The following SLC35F4 variants were observed in gnomAD, a reference collection of about 807,000 sequenced individuals.
SLC35F4 encodes the protein solute carrier family 35 member F4, also known as chromosome 14 open reading frame 36.
Under a neutral mutation model 44.2 loss-of-function variants are expected in SLC35F4, and 24 were observed. The ratio of observed to expected loss-of-function variants is 0.54; its 90% CI spans 0.39 to 0.76. SLC35F4 has a LOEUF of 0.76. Among genes scored for constraint, SLC35F4 ranks in the 30% least tolerant of loss-of-function variants. The probability of loss-of-function intolerance (pLI) is 0.00; values close to 1 mark genes in which losing one functional copy is unlikely to be tolerated. For synonymous variants in SLC35F4, 238 were observed against 223.6 expected (o/e 1.06, Z -0.57); for missense variants, 562 against 586.1 (o/e 0.96, Z 0.42).
At position 57,604,219 on chromosome 14, in the gene SLC35F4, T is replaced by G. The variant is rs376468688; in HGVS notation, c.104-10095A>C. ...GATAACGCCAACAGCAAGTGGAGAT[T>G]CATTTCTATACAGTGAAAAGGCTAG... is the stretch of plus-strand genomic sequence containing the variant. On this transcript the variant is annotated intron_variant, in intron 1 of 7. Coordinates refer to ENST00000556826, the MANE Select transcript of SLC35F4 (RefSeq NM_001306087.2). The G allele has an allele frequency of 2.0e-5, 3 of 152,244 alleles. No homozygotes were observed. In the East Asian group the frequency reaches 5.8e-4, roughly 29 times the overall value. 9.4% of individuals were successfully genotyped at this position (152,244 alleles called of 1,614,324 possible).
intron 1 of SLC35F4, among the ~76,000 whole-genome samples, chr14:57,765,106 C>G (rs181153987): frequency 7.3e-6 from 1 of 137,262 alleles, no homozygotes; most frequent in Non-Finnish European, 1.5e-5. Context: ...TCTGGTGGAA[C>G]TATGATTATA....
chr14:57,874,970 G>GAATAAATAAATA (rs148708016), intron 1 of SLC35F4, among the ~76,000 whole-genome samples: 21,424 of 149,668 alleles, frequency 0.14, 3,302 homozygotes, highest in African/African-American at 0.39. Flanking sequence ...AGAGGCAGTG[G>GAATAAATAAATA]AATAAATAAA....
At chr14:57,596,972 G>C (rs945535261) in intron 1 of SLC35F4, 4 of 1,020,472 alleles carry the variant, frequency 3.9e-6, no homozygotes, top group Non-Finnish European at 5.3e-6. Flanking sequence ...CGTATTCAGG[G>C]GTTGGGCCAT....
chr14:57,650,360 C>G (rs2073733809), intron 1 of SLC35F4, among the ~76,000 whole-genome samples: 1 of 152,058 alleles, frequency 6.6e-6, no homozygotes, highest in Non-Finnish European at 1.5e-5. Context: ...ATTTTCCTCC[C>G]TCCCAAATAT....
chr14:57,593,964 G>T lies in SLC35F4; in HGVS notation c.264C>A (p.His88Gln), dbSNP rs1271954660. ...QNQGSSGVCG[H>Q]RVERQNRSAD... ...CTGATCTGTTCTGTCTCTCAACTCT[G>T]TGTCCACAAACTCCTGAGGATCCTT... Residue 88 changes from histidine (H) to glutamine (Q), a missense_variant, in exon 2 of 8, where the codon CAC becomes CAA. Coordinates refer to ENST00000556826, the MANE Select transcript of SLC35F4 (RefSeq NM_001306087.2). 1 of 1,613,890 alleles carries T rather than the reference G, an allele frequency of 6.2e-7. No homozygotes were observed. The highest frequency in any genetic ancestry group is 1.1e-5 in the South Asian group (1 of 91,084).
chr14:57,765,070 T>C (rs1723239473), intron 1 of SLC35F4, among the ~76,000 whole-genome samples: 1 of 152,220 alleles, frequency 6.6e-6, no homozygotes, highest in African/African-American at 2.4e-5. Flanking sequence ...TAACAGACTA[T>C]GTCCCCGAAC....
chr14:57,649,675 G>A (rs1190019449), intron 1 of SLC35F4, among the ~76,000 whole-genome samples: 1 of 152,080 alleles, frequency 6.6e-6, no homozygotes, highest in Non-Finnish European at 1.5e-5. Context: ...TATGGAAATG[G>A]GCCATATCTA....
chr14:57,935,965 G>C (rs750064731), intron 1 of SLC35F4, among the ~76,000 whole-genome samples: 4 of 152,138 alleles, frequency 2.6e-5, no homozygotes, highest in Non-Finnish European at 5.9e-5. Flanking sequence ...ATAGACATTG[G>C]GAACTATGAC....
chr14:57,728,450 T>G (rs1416981135), intron 1 of SLC35F4, among the ~76,000 whole-genome samples: 1 of 127,934 alleles, frequency 7.8e-6, no homozygotes, highest in East Asian at 2.2e-4. Context: ...TCTTTTTTTT[T>G]TTTTTTTTTT....
intron 1 of SLC35F4, among the ~76,000 whole-genome samples, chr14:57,744,970 T>C (rs2076717030): frequency 6.9e-6 from 1 of 145,554 alleles, no homozygotes; most frequent in African/African-American, 2.4e-5. Flanking sequence ...TTGACAAACC[T>C]GGCAAAAACA....
chr14:57,726,561 T>C (rs566220233), intron 1 of SLC35F4, among the ~76,000 whole-genome samples: 1 of 152,366 alleles, frequency 6.6e-6, no homozygotes, highest in African/African-American at 2.4e-5. Flanking sequence ...CATTTAAGTA[T>C]TGTTAACTTT....
intron 4 of SLC35F4, among the ~76,000 whole-genome samples, chr14:57,574,994 T>C (rs1043043680): frequency 1.3e-5 from 2 of 152,178 alleles, no homozygotes; most frequent in Non-Finnish European, 2.9e-5. Flanking sequence ...GTGTCAAAAA[T>C]GCTCATATGT....
intron 1 of SLC35F4, among the ~76,000 whole-genome samples, chr14:57,805,045 G>A (rs1386440862): frequency 6.6e-6 from 1 of 152,124 alleles, no homozygotes; most frequent in Non-Finnish European, 1.5e-5. Flanking sequence ...GATCATTAGA[G>A]AAATGAAAAT....
chr14:57,581,392 T>A lies in SLC35F4; in HGVS notation c.629A>T (p.Lys210Ile), dbSNP rs759960780. 2 of 1,612,684 alleles carry A rather than the reference T, an allele frequency of 1.2e-6. No homozygotes were observed. Among genetic ancestry groups the A allele is most frequent in the Non-Finnish European group, 1.7e-6 (2 of 1,179,376 alleles). ...RIFGEDGLTL[K>I]LFLKRTAPFS... is the part of the protein sequence containing the mutation. ...GGGAGCAGTTCTTTTAAGAAAGAGT[T>A]TCAGCGTCAGACCATCTTCACCAAA... Residue 210 changes from lysine to isoleucine, a missense_variant, in exon 4 of 8, where the codon AAA becomes ATA. Coordinates refer to ENST00000556826, the MANE Select transcript of SLC35F4 (RefSeq NM_001306087.2).
chr14:57,712,152 A>G (rs534262492), intron 1 of SLC35F4, among the ~76,000 whole-genome samples: 1 of 152,360 alleles, frequency 6.6e-6, no homozygotes, highest in Non-Finnish European at 1.5e-5. Flanking sequence ...AATAAGGTAT[A>G]TTAGCCAGGG....
At chr14:57,919,704 T>A (rs808232) in intron 1 of SLC35F4, among the ~76,000 whole-genome samples, 1 of 151,932 alleles carries the variant, frequency 6.6e-6, no homozygotes, top group South Asian at 2.1e-4. Flanking sequence ...CACCAAGCCA[T>A]GAAATAACAG....
intron 1 of SLC35F4, among the ~76,000 whole-genome samples, chr14:57,595,214 A>C (rs1452258356): frequency 6.6e-6 from 1 of 152,208 alleles, no homozygotes; most frequent in Non-Finnish European, 1.5e-5. Context: ...GAGCTGTTGA[A>C]GTACTTCGTA....
intron 1 of SLC35F4, among the ~76,000 whole-genome samples, chr14:57,699,673 A>G (rs551309302): frequency 6.6e-6 from 1 of 152,256 alleles, no homozygotes; most frequent in Non-Finnish European, 1.5e-5. Context: ...ACAAAAAGGC[A>G]CCCCTCTTTT....
intron 1 of SLC35F4, among the ~76,000 whole-genome samples, chr14:57,934,218 G>A (rs1889754250): frequency 6.6e-6 from 1 of 151,572 alleles, no homozygotes; most frequent in Non-Finnish European, 1.5e-5. Flanking sequence ...GTAGTGAAAA[G>A]AGCATGAGAG....
Sources: gnomAD v4.1 joint callset for allele counts (sites outside exome capture counted in the v4.1 genomes callset) on GRCh38, gnomAD v4.1.1 for gene constraint, MANE v1.5 for transcripts, NCBI Gene and HGNC (gene_info 2026-07-23, HGNC 2026-07-21) for gene names.